The following RANBP2 variants were observed in gnomAD, a reference collection of about 807,000 sequenced individuals.
RANBP2 encodes RAN binding protein 2.
Under a neutral mutation model 303.6 loss-of-function variants are expected in RANBP2, and 57 were observed. That is an observed-to-expected ratio of 0.19 (90% CI 0.15 to 0.23). The LOEUF (loss-of-function observed/expected upper bound fraction) is 0.23, where lower values mean the gene tolerates loss of function less well. RANBP2 is among the 10% of genes least tolerant of loss of function. The pLI, the probability that RANBP2 is intolerant of heterozygous loss-of-function variation, is 1.00. For synonymous variants in RANBP2, 1,167 were observed against 1,301.5 expected, an observed-to-expected ratio of 0.90 and a Z score of 2.23; for missense variants, 3,138 against 3,780.8, an observed-to-expected ratio of 0.83 and a Z score of 4.46.
At chr2:109,164,234 A>G in the RANBP2 span, among the ~76,000 whole-genome samples, 1,010 of 152,126 alleles carry the variant, frequency 6.6e-3, 11 homozygotes, top group African/African-American at 0.023. Flanking sequence ...GCTGAAGTGC[A>G]GTAACATGAC....
At chr2:109,101,451 C>T in the RANBP2 span, among the ~76,000 whole-genome samples, 167 of 152,040 alleles carry the variant, frequency 1.1e-3, no homozygotes, top group African/African-American at 3.8e-3. Context: ...GGCGGGAACT[C>T]GGGAGGTGGA....
the RANBP2 span, chr2:109,552,834 C>T: frequency 7.7e-6 from 3 of 392,012 alleles, no homozygotes; most frequent in Middle Eastern, 7.0e-4. Context: ...CTGCAGCTTC[C>T]AGTTCATTGT....
At chr2:109,481,609 C>G in the RANBP2 span, among the ~76,000 whole-genome samples, 2 of 152,138 alleles carry the variant, frequency 1.3e-5, no homozygotes, top group African/African-American at 2.4e-5. Flanking sequence ...GCGCTTCATC[C>G]CTCCACTCAG....
At chr2:109,277,836 G>T in the RANBP2 span, among the ~76,000 whole-genome samples, 2 of 152,148 alleles carry the variant, frequency 1.3e-5, no homozygotes, top group African/African-American at 4.8e-5. Flanking sequence ...AGAAACAGTG[G>T]CCAGGTAGAC....
chr2:108,812,683 T>C, the RANBP2 span: 5 of 1,611,726 alleles, frequency 3.1e-6, no homozygotes, highest in South Asian at 3.3e-5. Context: ...GCTAAAAGAG[T>C]TCAAGCTCGT....
the RANBP2 span, among the ~76,000 whole-genome samples, chr2:109,662,069 A>G: frequency 6.6e-6 from 1 of 152,276 alleles, no homozygotes; most frequent in Admixed American, 6.5e-5. Flanking sequence ...TTTCCAGACC[A>G]TGACTGAGCA....
chr2:109,408,121 C>G, the RANBP2 span, among the ~76,000 whole-genome samples: 1 of 152,170 alleles, frequency 6.6e-6, no homozygotes, highest in Non-Finnish European at 1.5e-5. Flanking sequence ...CTCCCTTGTC[C>G]TAGCAGCTGT....
the RANBP2 span, among the ~76,000 whole-genome samples, chr2:108,962,811 C>T: frequency 6.6e-6 from 1 of 151,974 alleles, no homozygotes. Flanking sequence ...CCATTCTGTC[C>T]AAGAGACTGA....
At chr2:109,148,842 GT>G in the RANBP2 span, among the ~76,000 whole-genome samples, 104,006 of 151,498 alleles carry the variant, frequency 0.69, 36,591 homozygotes, top group Non-Finnish European at 0.72. Flanking sequence ...TCATGGCAGT[GT>G]TTTTTTTTAA....
the RANBP2 span, among the ~76,000 whole-genome samples, chr2:109,482,112 G>A: frequency 3.3e-5 from 5 of 152,138 alleles, no homozygotes; most frequent in African/African-American, 7.2e-5. Context: ...TCCCGGGTTC[G>A]AATGCGGCTT....
At chr2:109,491,318 C>G in the RANBP2 span, among the ~76,000 whole-genome samples, 1 of 152,130 alleles carries the variant, frequency 6.6e-6, no homozygotes, top group East Asian at 1.9e-4. Context: ...GCCTATGTGT[C>G]CCACTCAGGG....
At chr2:109,276,392 G>A in the RANBP2 span, among the ~76,000 whole-genome samples, 5 of 152,206 alleles carry the variant, frequency 3.3e-5, no homozygotes, top group African/African-American at 4.8e-5. Context: ...ACTGGGTGAT[G>A]GCCTGAGAGT....
In RANBP2 at chr2:108,758,394, T is replaced by G; in HGVS notation, c.2467-19T>G. On this transcript the variant is annotated intron_variant, in intron 17 of 28. Transcript: ENST00000283195. Reference sequence around the variant, plus strand: ...TAATTAAATGTTTAAAATTATTTGATTTTTTTTTCTTCCAATAGAAAGAAA... The same window carrying G: ...TAATTAAATGTTTAAAATTATTTGAGTTTTTTTTCTTCCAATAGAAAGAAA... 6.2e-7 allele frequency: 1 copy of G among 1,610,504 alleles called. No homozygotes were observed. The highest frequency in any genetic ancestry group is 8.5e-7 in the Non-Finnish European group (1 of 1,179,192).
At chr2:108,896,918 C>A in the RANBP2 span, 5 of 1,612,184 alleles carry the variant, frequency 3.1e-6, no homozygotes, top group Admixed American at 6.7e-5. Context: ...CAGGATGCAG[C>A]ATGTGGCTGG....
At chr2:109,365,782 T>C in the RANBP2 span, among the ~76,000 whole-genome samples, 1 of 152,240 alleles carries the variant, frequency 6.6e-6, no homozygotes, top group African/African-American at 2.4e-5. Context: ...GTATCTGTGG[T>C]CCCGGCTGTC....
chr2:108,839,156 G>C, the RANBP2 span: 3 of 1,578,648 alleles, frequency 1.9e-6, no homozygotes, highest in East Asian at 6.8e-5. Context: ...CTGTGCCTTT[G>C]TATTTATTTT....
At chr2:109,657,705 A>G in the RANBP2 span, among the ~76,000 whole-genome samples, 9 of 144,934 alleles carry the variant, frequency 6.2e-5, no homozygotes, top group African/African-American at 2.0e-4. Context: ...ACAGGCATGA[A>G]TTAGCTGAGT....
the RANBP2 span, among the ~76,000 whole-genome samples, chr2:108,831,553 T>C: frequency 2.1e-3 from 318 of 152,346 alleles, no homozygotes; most frequent in Non-Finnish European, 3.9e-3. Context: ...CAGTGTTTGC[T>C]GTGAAGAAAC....
At chr2:109,661,162 A>T in the RANBP2 span, among the ~76,000 whole-genome samples, 1 of 152,032 alleles carries the variant, frequency 6.6e-6, no homozygotes, top group Non-Finnish European at 1.5e-5. Context: ...AAGCTCTGCC[A>T]CCTTCAACAT....
Sources: allele counts gnomAD v4.1 joint callset (sites outside exome capture counted in the v4.1 genomes callset), GRCh38; gene constraint gnomAD v4.1.1; transcripts MANE v1.5; gene names NCBI Gene and HGNC (gene_info 2026-07-23, HGNC 2026-07-21).